RAB38: variants seen among roughly 807,000 people sequenced by gnomAD.
RAB38 encodes RAB38, member RAS oncogene family, also known as ras-related protein Rab-38.
In RAB38, 15 loss-of-function variants were observed where a neutral mutation model predicts 18.4. The observed-to-expected ratio is 0.82, with a 90% CI of 0.55 to 1.26. The LOEUF is 1.26. Among genes scored for constraint, RAB38 ranks in the 50% most tolerant of loss-of-function variants. RAB38 has a pLI of 0.00. For missense variants in RAB38, 294 were observed against 267.4 expected (o/e 1.10, Z -0.69); for synonymous variants, 101 against 104.4 (o/e 0.97, Z 0.20).
chr11:87,878,318 A>C, the RAB38 span, among the ~76,000 whole-genome samples: 1 of 147,008 alleles, frequency 6.8e-6, no homozygotes, highest in African/African-American at 2.5e-5. Flanking sequence ...TCTATCTATC[A>C]TCTATCAATC....
chr11:87,929,585 T>G, the RAB38 span, among the ~76,000 whole-genome samples: 3 of 151,904 alleles, frequency 2.0e-5, no homozygotes, highest in Admixed American at 6.6e-5. Context: ...AAGGTATACT[T>G]TAAGTTTTAG....
At chr11:88,078,501 A>ATGTGTGTGTG in the RAB38 span, among the ~76,000 whole-genome samples, 1 of 148,682 alleles carries the variant, frequency 6.7e-6, no homozygotes, top group Non-Finnish European at 1.5e-5. Context: ...GTGTGTATAT[A>ATGTGTGTGTG]TGTGTGTGTG....
intron 2 of RAB38, among the ~76,000 whole-genome samples, chr11:88,130,558 G>T (rs1280760310): frequency 2.0e-5 from 3 of 152,114 alleles, no homozygotes; most frequent in African/African-American, 7.2e-5. Flanking sequence ...GCCATAATAA[G>T]GATTTCAGAC....
the RAB38 span, among the ~76,000 whole-genome samples, chr11:88,042,125 A>G: frequency 1.3e-5 from 2 of 151,846 alleles, no homozygotes; most frequent in Admixed American, 6.6e-5. Context: ...TGTAAACTCA[A>G]CTCCTTCCTC....
the RAB38 span, among the ~76,000 whole-genome samples, chr11:87,890,088 T>C: frequency 6.6e-6 from 1 of 151,832 alleles, no homozygotes; most frequent in Non-Finnish European, 1.5e-5. Context: ...GAAGAAAAAG[T>C]ATCTGCTTTC....
chr11:88,100,730 T>C, the RAB38 span, among the ~76,000 whole-genome samples: 71 of 152,118 alleles, frequency 4.7e-4, no homozygotes, highest in Non-Finnish European at 7.4e-4. Flanking sequence ...AATAACACTT[T>C]GGTAGAATAA....
At chr11:88,023,698 C>T in the RAB38 span, among the ~76,000 whole-genome samples, 1 of 152,026 alleles carries the variant, frequency 6.6e-6, no homozygotes, top group Non-Finnish European at 1.5e-5. Flanking sequence ...AAAACAGACC[C>T]ATAGACCAAA....
At chr11:87,975,727 T>C in the RAB38 span, among the ~76,000 whole-genome samples, 1 of 151,646 alleles carries the variant, frequency 6.6e-6, no homozygotes, top group Non-Finnish European at 1.5e-5. Flanking sequence ...TGTAATAAAT[T>C]AAGGAAGTAT....
chr11:88,135,050 G>A (rs945096562), intron 2 of RAB38, among the ~76,000 whole-genome samples: 4 of 151,892 alleles, frequency 2.6e-5, no homozygotes, highest in African/African-American at 7.2e-5. Flanking sequence ...TTTTCTTTCC[G>A]TGATTTTATA....
chr11:88,074,055 A>G, the RAB38 span, among the ~76,000 whole-genome samples: 6 of 152,086 alleles, frequency 3.9e-5, no homozygotes, highest in Non-Finnish European at 7.4e-5. Flanking sequence ...CTAAAAAAAA[A>G]AAAAATCTAA....
the RAB38 span, among the ~76,000 whole-genome samples, chr11:88,047,864 A>G: frequency 6.6e-6 from 1 of 152,090 alleles, no homozygotes; most frequent in Non-Finnish European, 1.5e-5. Flanking sequence ...TCCACCTATC[A>G]ATCTCTTCCC....
Position 88,136,422 on chromosome 11 carries a change from C to A in RAB38, c.483+13253G>T, listed in dbSNP as rs1942835195. ...AAAGGACCACAAAACAGAGGTCAGA[C>A]AAAATCAATACTAAAAAAGTAAAGT... is the stretch of plus-strand genomic sequence containing the variant. On this transcript the variant is annotated intron_variant, in intron 2 of 2. Transcript: ENST00000243662. Among the ~76,000 whole-genome samples, 3 of 152,108 alleles carry A rather than the reference C, an allele frequency of 2.0e-5. No individual in the cohort carries two copies. In the South Asian group the frequency reaches 6.3e-4, roughly 32 times the overall value.
chr11:87,893,371 C>CATATATATATATATGTATATATAT, the RAB38 span, among the ~76,000 whole-genome samples: 129 of 86,404 alleles, frequency 1.5e-3, no homozygotes, highest in Non-Finnish European at 2.1e-3. Flanking sequence ...ATATATTTTA[C>CATATATATATATATGTATATATAT]ATATATATAT....
intron 2 of RAB38, among the ~76,000 whole-genome samples, chr11:88,141,393 T>C (rs1436899324): frequency 1.3e-5 from 2 of 152,182 alleles, no homozygotes; most frequent in African/African-American, 2.4e-5. Context: ...GTACACACAC[T>C]CTTCCCTCCC....
the RAB38 span, among the ~76,000 whole-genome samples, chr11:88,058,268 G>C: frequency 0.11 from 17,229 of 152,108 alleles, 1,924 homozygotes; most frequent in East Asian, 0.33. Flanking sequence ...GGACATTCCT[G>C]CTGGTTATTT....
chr11:87,948,257 CTT>C, the RAB38 span, among the ~76,000 whole-genome samples: 6 of 152,174 alleles, frequency 3.9e-5, no homozygotes, highest in Non-Finnish European at 7.3e-5. Flanking sequence ...TATCCTGAGA[CTT>C]TGCTGAAGTT....
At chr11:87,844,168 A>T in the RAB38 span, among the ~76,000 whole-genome samples, 1 of 152,204 alleles carries the variant, frequency 6.6e-6, no homozygotes. Context: ...CCCATGGGTT[A>T]TTGTATTGGA....
chr11:87,823,107 G>A, the RAB38 span, among the ~76,000 whole-genome samples: 2 of 135,122 alleles, frequency 1.5e-5, no homozygotes, highest in Non-Finnish European at 3.5e-5. Flanking sequence ...ATAGACAAAA[G>A]AGTTAATAGA....
At chr11:88,026,541 C>A in the RAB38 span, among the ~76,000 whole-genome samples, 2 of 121,816 alleles carry the variant, frequency 1.6e-5, no homozygotes, top group Admixed American at 1.0e-4. Context: ...CCAGCCTGGG[C>A]TACAGAGCGA....
Sources: allele counts gnomAD v4.1 joint callset (sites outside exome capture counted in the v4.1 genomes callset), GRCh38; gene constraint gnomAD v4.1.1; transcripts MANE v1.5; gene names NCBI Gene and HGNC (gene_info 2026-07-23, HGNC 2026-07-21).